Variants in MAP2 observed in about 807,000 individuals in gnomAD.
MAP2 encodes the protein microtubule-associated protein 2.
In MAP2, 14 loss-of-function variants were observed where a neutral mutation model predicts 137.6. The observed-to-expected ratio is 0.10, with a 90% CI of 0.07 to 0.16. MAP2 has a LOEUF of 0.16. Among genes scored for constraint, MAP2 ranks in the 10% least tolerant of loss-of-function variants. MAP2 has a pLI of 1.00. For synonymous variants in MAP2, 786 were observed against 782.3 expected (o/e 1.00, Z -0.08); for missense variants, 2,088 against 2,191.5 (o/e 0.95, Z 0.94).
intron 1 of MAP2, among the ~76,000 whole-genome samples, chr2:209,477,352 G>T (rs549297826): frequency 6.6e-6 from 1 of 151,680 alleles, no homozygotes; most frequent in Non-Finnish European, 1.5e-5. Flanking sequence ...CCACAAAAAT[G>T]AAATATGAAG....
chr2:209,663,713 G>T (rs997324316), intron 5 of MAP2, among the ~76,000 whole-genome samples: 1 of 152,152 alleles, frequency 6.6e-6, no homozygotes, highest in African/African-American at 2.4e-5. Flanking sequence ...TAAGCATCCT[G>T]AAAATCCATA....
chr2:209,689,587 G>T (rs2058238240), intron 7 of MAP2, among the ~76,000 whole-genome samples: 1 of 152,214 alleles, frequency 6.6e-6, no homozygotes, highest in East Asian at 1.9e-4. Flanking sequence ...AACTTGAAAA[G>T]TTTATCTTTA....
intron 2 of MAP2, among the ~76,000 whole-genome samples, chr2:209,576,418 AT>A (rs112057916): frequency 6.1e-4 from 87 of 143,712 alleles, no homozygotes; most frequent in East Asian, 4.1e-3. Flanking sequence ...TAATTTTTGT[AT>A]TTTTTTTTTT....
At chr2:209,520,947 T>C (rs1187771881) in intron 2 of MAP2, among the ~76,000 whole-genome samples, 1 of 152,088 alleles carries the variant, frequency 6.6e-6, no homozygotes, top group African/African-American at 2.4e-5. Flanking sequence ...TGCAATACCA[T>C]TGGTTGGTCT....
intron 12 of MAP2, among the ~76,000 whole-genome samples, chr2:209,707,635 G>A (rs1458596395): frequency 6.6e-6 from 1 of 152,104 alleles, no homozygotes; most frequent in African/African-American, 2.4e-5. Flanking sequence ...AGTTGTTTTA[G>A]ATCTTAGGCT....
At chr2:209,719,184 C>A (rs2069074971) in intron 13 of MAP2, among the ~76,000 whole-genome samples, 2 of 152,152 alleles carry the variant, frequency 1.3e-5, no homozygotes, top group Non-Finnish European at 1.5e-5. Flanking sequence ...ACTCCCCCTT[C>A]TCAAAAGCAT....
At chr2:209,688,018 C>A (rs967866221) in intron 7 of MAP2, among the ~76,000 whole-genome samples, 2 of 152,102 alleles carry the variant, frequency 1.3e-5, no homozygotes, top group African/African-American at 4.8e-5. Context: ...CTTTGACCAC[C>A]TACATCATGT....
At chr2:209,433,949 C>T (rs1035900985) in intron 1 of MAP2, among the ~76,000 whole-genome samples, 2 of 151,964 alleles carry the variant, frequency 1.3e-5, no homozygotes, top group African/African-American at 2.4e-5. Flanking sequence ...GCTATTTCCC[C>T]ACAGCAGATT....
chr2:209,593,943 T>TTA (rs752035026), intron 3 of MAP2, among the ~76,000 whole-genome samples: 19 of 131,098 alleles, frequency 1.4e-4, no homozygotes, highest in Admixed American at 4.5e-4. Flanking sequence ...AAATATATAT[T>TTA]TATATATATA....
At chr2:209,443,038 AC>A (rs935468667) in intron 1 of MAP2, among the ~76,000 whole-genome samples, 1 of 151,310 alleles carries the variant, frequency 6.6e-6, no homozygotes, top group African/African-American at 2.4e-5. Flanking sequence ...TAACCAAATC[AC>A]TCCTCTGTTT....
chr2:209,439,126 C>T (rs1202434189), intron 1 of MAP2, among the ~76,000 whole-genome samples: 6 of 151,208 alleles, frequency 4.0e-5, no homozygotes, highest in East Asian at 1.9e-4. Context: ...TCTCTAATTC[C>T]GAGGTTGGAG....
chr2:209,429,331 A>G (rs540476279), intron 1 of MAP2, among the ~76,000 whole-genome samples: 1 of 152,232 alleles, frequency 6.6e-6, no homozygotes, highest in East Asian at 1.9e-4. Context: ...TGGCTAGCCA[A>G]CTGACTTTTT....
intron 5 of MAP2, among the ~76,000 whole-genome samples, chr2:209,662,055 G>A (rs1454241754): frequency 2.0e-5 from 3 of 152,088 alleles, no homozygotes; most frequent in East Asian, 1.9e-4. Flanking sequence ...ATTCTTAATC[G>A]ATATATGAGG....
intron 2 of MAP2, among the ~76,000 whole-genome samples, chr2:209,578,280 G>T (rs2075662610): frequency 6.6e-6 from 1 of 152,116 alleles, no homozygotes; most frequent in Non-Finnish European, 1.5e-5. Flanking sequence ...TCATACAAAA[G>T]AACTGTAGTT....
At chr2:209,596,998 T>C (rs545287281) in intron 3 of MAP2, among the ~76,000 whole-genome samples, 135 of 152,310 alleles carry the variant, frequency 8.9e-4, no homozygotes, top group African/African-American at 2.5e-3. Flanking sequence ...TTTCAGCCTC[T>C]TTTGTAACTA....
Position 209,678,689 on chromosome 2 carries a change from A to G in MAP2, c.376+4A>G. 1 of 1,567,144 alleles carries G rather than the reference A, an allele frequency of 6.4e-7. No individual in the cohort carries two copies. The highest frequency in any genetic ancestry group is 1.4e-5 in the African/African-American group (1 of 73,180). On this transcript the variant is annotated splice_donor_region_variant and intron_variant, in intron 6 of 15. Coordinates refer to ENST00000682079, the MANE Select transcript of MAP2 (RefSeq NM_001375505.1). ...CAGACTGCAGCTCTGCCTTTAGGTA[A>G]ATAAGAAGATTCTCAGGTCAGGGAC... is the stretch of plus-strand genomic sequence containing the variant.
At chr2:209,521,955 A>G (rs1034261969) in intron 2 of MAP2, among the ~76,000 whole-genome samples, 5 of 152,140 alleles carry the variant, frequency 3.3e-5, no homozygotes, top group African/African-American at 1.2e-4. Context: ...AAATCTTTTG[A>G]CAAGCCATAT....
chr2:209,433,925 G>A (rs964020493), intron 1 of MAP2, among the ~76,000 whole-genome samples: 4 of 152,048 alleles, frequency 2.6e-5, no homozygotes, highest in African/African-American at 4.8e-5. Flanking sequence ...TTCTCAATAT[G>A]AATGGGTCCT....
At chr2:209,670,524 C>T (rs557742310) in intron 5 of MAP2, among the ~76,000 whole-genome samples, 1 of 151,990 alleles carries the variant, frequency 6.6e-6, no homozygotes, top group East Asian at 1.9e-4. Context: ...TGTCCTTTCA[C>T]TGATAATAGT....
Sources: gnomAD v4.1 joint callset for allele counts (sites outside exome capture counted in the v4.1 genomes callset) on GRCh38, gnomAD v4.1.1 for gene constraint, MANE v1.5 for transcripts, NCBI Gene and HGNC (gene_info 2026-07-23, HGNC 2026-07-21) for gene names.